CENPA: variants seen among roughly 807,000 people sequenced by gnomAD.
CENPA encodes the protein centromere protein A.
A neutral mutation model predicts 17.2 loss-of-function variants in CENPA; 7 were observed. The observed-to-expected ratio is 0.41, with a 90% CI of 0.23 to 0.76. The LOEUF is 0.76. CENPA is among the 30% of genes least tolerant of loss of function. The pLI, the probability that CENPA is intolerant of heterozygous loss-of-function variation, is 0.34. For synonymous variants in CENPA, 82 were observed against 77.4 expected, an observed-to-expected ratio of 1.06 and a Z score of -0.31; for missense variants, 149 against 193.1, an observed-to-expected ratio of 0.77 and a Z score of 1.35.
chr2:26,793,101 G>C (rs2289018), intron 3 of CENPA, 44 bp from the exon 4 acceptor site: 1 of 1,609,814 alleles, frequency 6.2e-7, no homozygotes, highest in African/African-American at 1.3e-5. Context: ...AAAGCAGCCC[G>C]TGGCCCTTCA....
At chr2:26,786,432 G>T in intron 1 of CENPA, 136 bp downstream of exon 1, 2 of 1,185,426 alleles carry the variant, frequency 1.7e-6, no homozygotes, top group Non-Finnish European at 2.1e-6. Flanking sequence ...TCCGCTCCGG[G>T]CACGGGCGGT....
rs940865255 is a variant in CENPA at position 26,794,515 on chromosome 2, A to G, written c.*751A>G. 1 of 152,202 alleles carries G rather than the reference A, an allele frequency of 6.6e-6. No individual in the cohort carries two copies. Among genetic ancestry groups the G allele is most frequent in the Non-Finnish European group, 1.5e-5 (1 of 68,034 alleles). 9.4% of individuals were successfully genotyped at this position (152,202 alleles called of 1,614,324 possible). On this transcript the variant is annotated 3_prime_UTR_variant, in exon 5 of 5. Transcript: ENST00000335756. The stretch of plus-strand genomic sequence containing the variant: ...ATAACAGTTCAGAATTTTAAAGTAC[A>G]TTTTCGATGCTTTTATGGGTATTTT...
At position 26,786,253 on chromosome 2, in the gene CENPA, C is replaced by G. The variant is rs1011152186; in HGVS notation, c.57C>G (p.Ser19Arg). 3.7e-6 allele frequency: 5 copies of G among 1,366,930 alleles called. No homozygotes were observed. The African/African-American group carries it at 7.7e-5, about 21-fold the overall frequency. 84.7% of individuals were successfully genotyped at this position (1,366,930 alleles called of 1,614,324 possible). A position where few individuals can be genotyped will look rare whatever the true frequency, so the allele number is the denominator to read the frequency against. Residue 19 changes from serine to arginine, a missense_variant, in exon 1 of 5, where the codon AGC (serine) becomes AGG (arginine). By Grantham distance (110) the Ser-to-Arg change is moderately radical. Transcript: ENST00000335756. ...AGGCCCCGAGGAGGCGCAGCCCGAG[C>G]CCGACCCCGACCCCCGGCCCCTCCC... Reference protein sequence around the residue: ...KPEAPRRRSPSPTPTPGPSRR... With the variant: ...KPEAPRRRSPRPTPTPGPSRR...
Position 26,786,126 on chromosome 2 carries a change from C to G in CENPA, c.-71C>G. 1 of 1,346,750 alleles carries G rather than the reference C, an allele frequency of 7.4e-7. No individual in the cohort carries two copies. Among genetic ancestry groups the G allele is most frequent in the Non-Finnish European group, 9.5e-7 (1 of 1,053,616 alleles). 83.4% of individuals were successfully genotyped at this position (1,346,750 alleles called of 1,614,324 possible). On this transcript the variant is annotated 5_prime_UTR_variant, in exon 1 of 5. Coordinates refer to ENST00000335756, the MANE Select transcript of CENPA (RefSeq NM_001809.4). ...TTCTCTGGGCTCCCCAGAAGCCAGC[C>G]TTTCGCTCCCGGACCCGGCAGCCCG... is the stretch of plus-strand genomic sequence containing the variant.
chr2:26,790,860 C>G (rs1664603456), intron 1 of CENPA, among the ~76,000 whole-genome samples: 1 of 152,270 alleles, frequency 6.6e-6, no homozygotes, highest in Non-Finnish European at 1.5e-5. Flanking sequence ...ACCTACCCTA[C>G]TTGCTCTTGC....
chr2:26,791,069 C>T (rs1664606604), intron 1 of CENPA, among the ~76,000 whole-genome samples: 1 of 151,936 alleles, frequency 6.6e-6, no homozygotes, highest in African/African-American at 2.4e-5. Context: ...TATGGAGCAA[C>T]TGTGCTGTTT....
rs548767079 is a variant in CENPA, at chr2:26,786,169, C to G, written c.-28C>G. ...GCAGCCCGAGCAGGAGCCGTGGGAC[C>G]GGGCGCCAGCACCCTCTGCGGCGTG... is the stretch of plus-strand genomic sequence containing the variant. On this transcript the variant is annotated 5_prime_UTR_variant, in exon 1 of 5. Transcript: ENST00000335756. 6.3e-5 allele frequency: 90 copies of G among 1,419,532 alleles called. No individual in the cohort carries two copies. In the African/African-American group the frequency reaches 1.1e-3, roughly 17 times the overall value. 87.9% of individuals were successfully genotyped at this position (1,419,532 alleles called of 1,614,324 possible).
chr2:26,791,192 C>T (rs1572641658), intron 1 of CENPA, among the ~76,000 whole-genome samples: 1 of 152,150 alleles, frequency 6.6e-6, no homozygotes, highest in South Asian at 2.1e-4. Context: ...GGCTCAGATA[C>T]CTTTTAGTGT....
intron 4 of CENPA, 95 bp downstream of exon 4, chr2:26,793,421 T>G: frequency 9.0e-7 from 1 of 1,116,588 alleles, no homozygotes; most frequent in East Asian, 2.5e-5. Context: ...CTTCCCTTTG[T>G]TCTCTAGTAA....
In CENPA at chr2:26,794,530, A is replaced by T. The variant is rs1361319198; in HGVS notation, c.*766A>T. 1 of 152,234 alleles carries T rather than the reference A, an allele frequency of 6.6e-6. No homozygotes were observed. Among genetic ancestry groups the T allele is most frequent in the Non-Finnish European group, 1.5e-5 (1 of 68,038 alleles). The allele number at this position is 152,234 out of a possible 1,614,324, so 9.4% of individuals were successfully genotyped here. On this transcript the variant is annotated 3_prime_UTR_variant, in exon 5 of 5. Coordinates refer to ENST00000335756, the MANE Select transcript of CENPA (RefSeq NM_001809.4). ...TTTAAAGTACATTTTCGATGCTTTT[A>T]TGGGTATTTTTGTAGTTTCTTTGTA...
chr2:26,789,911 G>A (rs1050137955), intron 1 of CENPA, among the ~76,000 whole-genome samples: 2 of 152,148 alleles, frequency 1.3e-5, no homozygotes, highest in African/African-American at 4.8e-5. Context: ...ACAGCAGCTG[G>A]AATGACCTTC....
At chr2:26,792,022 G>T in intron 1 of CENPA, 109 bp from the exon 2 acceptor site, 2 of 905,788 alleles carry the variant, frequency 2.2e-6, no homozygotes, top group Non-Finnish European at 3.6e-6. Flanking sequence ...TCCCTGCTCT[G>T]TGGAGGGTAG....
Position 26,793,238 on chromosome 2 carries a change from CT to C in CENPA, c.383del (p.Leu128ArgfsTer41). 1 of 1,614,198 alleles carries C rather than the reference CT, an allele frequency of 6.2e-7. No homozygotes were observed. The highest frequency in any genetic ancestry group is 8.5e-7 in the Non-Finnish European group (1 of 1,180,036). ...TACTCTCTTCCCAAAGGATGTGCAA[CT>C]GGCCCGGAGGATCCGGGGCCTTGAG... ...RVTLFPKDVQLARRIRGLEEG... is the reference protein window; with the variant it reads ...RVTLFPKDVQXARRIRGLEEG... On this transcript the variant is annotated frameshift_variant, in exon 4 of 5. Coordinates refer to ENST00000335756, the MANE Select transcript of CENPA (RefSeq NM_001809.4). LOFTEE classifies it high-confidence loss of function.
At chr2:26,789,769 A>G (rs1415908551) in intron 1 of CENPA, among the ~76,000 whole-genome samples, 1 of 152,046 alleles carries the variant, frequency 6.6e-6, no homozygotes, top group Non-Finnish European at 1.5e-5. Context: ...TGCATCCTTA[A>G]TCACTCCATT....
intron 1 of CENPA, 45 bp from the exon 2 acceptor site, chr2:26,792,086 G>A (rs771164020): frequency 1.7e-5 from 26 of 1,547,188 alleles, no homozygotes; most frequent in East Asian, 4.5e-5. Context: ...GCCAAGCTGC[G>A]AGGCACCACC....
chr2:26,787,930 A>AT (rs1664542584), intron 1 of CENPA, among the ~76,000 whole-genome samples: 1 of 152,128 alleles, frequency 6.6e-6, no homozygotes, highest in Non-Finnish European at 1.5e-5. Flanking sequence ...TCATTTCTAC[A>AT]CATTTTATTT....
rs931390002 is a variant in CENPA at position 26,794,520 on chromosome 2, C to T, written c.*756C>T. 3 of 151,998 alleles carry T rather than the reference C, an allele frequency of 2.0e-5. No homozygotes were observed. Among genetic ancestry groups the T allele is most frequent in the African/African-American group, 7.3e-5 (3 of 41,358 alleles). 9.4% of individuals were successfully genotyped at this position (151,998 alleles called of 1,614,324 possible). A position where few individuals can be genotyped will look rare whatever the true frequency, so the allele number is the denominator to read the frequency against. ...AGTTCAGAATTTTAAAGTACATTTT[C>T]GATGCTTTTATGGGTATTTTTGTAG... On this transcript the variant is annotated 3_prime_UTR_variant, in exon 5 of 5. Transcript: ENST00000335756.
intron 1 of CENPA, among the ~76,000 whole-genome samples, chr2:26,789,016 A>T (rs1297045722): frequency 1.3e-5 from 2 of 151,752 alleles, no homozygotes; most frequent in Non-Finnish European, 2.9e-5. Flanking sequence ...TGTTTCCTTG[A>T]CCCCACATTC....
chr2:26,786,154 C>A lies in CENPA; in HGVS notation c.-43C>A, dbSNP rs188375202. The A allele has an allele frequency of 5.7e-6, 8 of 1,397,878 alleles. No individual in the cohort carries two copies. The East Asian group carries it at 1.8e-4, about 32-fold the overall frequency. The allele number at this position is 1,397,878 out of a possible 1,614,324, so 86.6% of individuals were successfully genotyped here. A position where few individuals can be genotyped will look rare whatever the true frequency, so the allele number is the denominator to read the frequency against. ...TCGCTCCCGGACCCGGCAGCCCGAG[C>A]AGGAGCCGTGGGACCGGGCGCCAGC... On this transcript the variant is annotated 5_prime_UTR_variant, in exon 1 of 5. Transcript: ENST00000335756.
Sources: gnomAD v4.1 joint callset for allele counts (sites outside exome capture counted in the v4.1 genomes callset) on GRCh38, gnomAD v4.1.1 for gene constraint, MANE v1.5 for transcripts, NCBI Gene and HGNC (gene_info 2026-07-23, HGNC 2026-07-21) for gene names.